The following ATP2B1 variants were observed in gnomAD, a reference collection of about 807,000 sequenced individuals.
ATP2B1 encodes the protein ATPase plasma membrane Ca2+ transporting 1.
Under a neutral mutation model 124.2 loss-of-function variants are expected in ATP2B1, and 14 were observed. The observed-to-expected ratio is 0.11, with a 90% confidence interval of 0.07 to 0.18. The LOEUF (loss-of-function observed/expected upper bound fraction) is 0.18, where lower values mean the gene tolerates loss of function less well. ATP2B1 is among the 10% of genes least tolerant of loss of function. The probability of loss-of-function intolerance (pLI) is 1.00; values close to 1 mark genes in which losing one functional copy is unlikely to be tolerated. For missense variants in ATP2B1, 763 were observed against 1,466.1 expected (o/e 0.52, Z 7.83); for synonymous variants, 449 against 492.4 (o/e 0.91, Z 1.17).
chr12:89,599,110 C>A lies in ATP2B1; in HGVS notation c.3351+7G>T, dbSNP rs1313234646. 2 of 1,612,980 alleles carry A rather than the reference C, an allele frequency of 1.2e-6. No individual in the cohort carries two copies. Among genetic ancestry groups the A allele is most frequent in the East Asian group, 2.2e-5 (1 of 44,882 alleles). On this transcript the variant is annotated splice_region_variant and intron_variant, in intron 20 of 20. Transcript: ENST00000428670. ...TCATCTCTCCTACCTCTCTACCAGGCCCATACCTGTGTTTGGATTCTGTTC... is the reference window on the plus strand; with the variant it reads ...TCATCTCTCCTACCTCTCTACCAGGACCATACCTGTGTTTGGATTCTGTTC...
rs547013148 is a variant in ATP2B1, at chr12:89,656,387, G to A, written c.-221-280C>T. On this transcript the variant is annotated intron_variant, in intron 1 of 20. Transcript: ENST00000428670. The stretch of plus-strand genomic sequence containing the variant: ...TGATCCACTCAGTATTACTGTTATT[G>A]TTCCAAGCACTATGCTAGTTGTTTT... Among the ~76,000 whole-genome samples the A allele has an allele frequency of 3.9e-5, 6 of 152,272 alleles. No homozygotes were observed. The East Asian group carries it at 1.2e-3, about 29-fold the overall frequency.
intron 20 of ATP2B1, chr12:89,593,539 G>A (rs1026622223): frequency 7.9e-5 from 12 of 151,974 alleles, no homozygotes; most frequent in African/African-American, 7.3e-5. Context: ...GTGAAGAATC[G>A]GGGGGAAATA....
At chr12:89,598,674 C>T (rs1234909027) in intron 20 of ATP2B1, 10 of 1,613,956 alleles carry the variant, frequency 6.2e-6, no homozygotes, top group Non-Finnish European at 8.5e-6. Flanking sequence ...TGCTGGCTGG[C>T]GATGGAGGGT....
At chr12:89,648,443 A>G (rs1009327360) in intron 2 of ATP2B1, among the ~76,000 whole-genome samples, 3 of 152,176 alleles carry the variant, frequency 2.0e-5, no homozygotes, top group African/African-American at 7.2e-5. Context: ...TGAACTTAAG[A>G]GTAATGACCT....
intron 1 of ATP2B1, among the ~76,000 whole-genome samples, chr12:89,670,886 C>A (rs1042849189): frequency 7.1e-6 from 1 of 140,944 alleles, no homozygotes; most frequent in Non-Finnish European, 1.5e-5. Flanking sequence ...TGCCCACATA[C>A]AACAGAAGAA....
chr12:89,655,519 T>C, intron 2 of ATP2B1, 160 bp downstream of exon 2: 1 of 663,114 alleles, frequency 1.5e-6, no homozygotes, highest in Non-Finnish European at 2.5e-6. Flanking sequence ...AATATAAAAA[T>C]ACTTTAACTG....
At chr12:89,703,782 C>T (rs1892134726) in intron 1 of ATP2B1, among the ~76,000 whole-genome samples, 1 of 151,898 alleles carries the variant, frequency 6.6e-6, no homozygotes, top group Non-Finnish European at 1.5e-5. Flanking sequence ...GTCACAAAAA[C>T]CATCGACATC....
At chr12:89,652,789 G>A (rs945359773) in intron 2 of ATP2B1, among the ~76,000 whole-genome samples, 2 of 152,140 alleles carry the variant, frequency 1.3e-5, no homozygotes, top group Admixed American at 6.5e-5. Flanking sequence ...CCAGGCTGAG[G>A]TGCAGTGGTG....
chr12:89,683,040 A>G (rs1565910826), intron 1 of ATP2B1, among the ~76,000 whole-genome samples: 1 of 152,226 alleles, frequency 6.6e-6, no homozygotes, highest in African/African-American at 2.4e-5. Context: ...CAATTCACCA[A>G]AATATAAAAA....
At chr12:89,604,077 TA>T (rs1318384460) in intron 16 of ATP2B1, 77 bp downstream of exon 16, 91 of 1,454,302 alleles carry the variant, frequency 6.3e-5, no homozygotes, top group Admixed American at 1.3e-4. Flanking sequence ...GCTTAAATAT[TA>T]AGTATTTTTT....
Position 89,670,395 on chromosome 12 carries a change from G to A in ATP2B1, c.-221-14288C>T, listed in dbSNP as rs568515852. Among the ~76,000 whole-genome samples, 3 of 145,910 alleles carry A rather than the reference G, an allele frequency of 2.1e-5. No individual in the cohort carries two copies. In the South Asian group the frequency reaches 6.5e-4, roughly 31 times the overall value. ...AATTTTTTTTTTTTTCAATTGTTAC[G>A]CATTCTGACTTTTTGTAGTTGTTGT... On this transcript the variant is annotated intron_variant, in intron 1 of 20. Coordinates refer to ENST00000428670, the MANE Select transcript of ATP2B1 (RefSeq NM_001366521.1).
At chr12:89,633,646 TTTATAAATC>T (rs1224959065) in intron 5 of ATP2B1, among the ~76,000 whole-genome samples, 1 of 152,104 alleles carries the variant, frequency 6.6e-6, no homozygotes, top group Non-Finnish European at 1.5e-5. Flanking sequence ...TTGGCATGCA[TTTATAAATC>T]TTAAAAAGTT....
intron 1 of ATP2B1, among the ~76,000 whole-genome samples, chr12:89,684,662 A>G (rs970977164): frequency 6.6e-6 from 1 of 152,160 alleles, no homozygotes; most frequent in Non-Finnish European, 1.5e-5. Flanking sequence ...TTTTTAAATG[A>G]AAAAAAGTGA....
At chr12:89,673,216 C>G (rs1888207580) in intron 1 of ATP2B1, among the ~76,000 whole-genome samples, 1 of 152,186 alleles carries the variant, frequency 6.6e-6, no homozygotes, top group African/African-American at 2.4e-5. Context: ...CAGCCAGATA[C>G]TTTTCATAGC....
chr12:89,662,584 T>G (rs1328908284), intron 1 of ATP2B1, among the ~76,000 whole-genome samples: 1 of 152,208 alleles, frequency 6.6e-6, no homozygotes, highest in East Asian at 1.9e-4. Flanking sequence ...CTATACTGCT[T>G]GTTTAGAAAA....
chr12:89,609,298 A>G (rs1462488761), intron 15 of ATP2B1, among the ~76,000 whole-genome samples: 1 of 152,208 alleles, frequency 6.6e-6, no homozygotes, highest in East Asian at 1.9e-4. Flanking sequence ...ACAGCCTCAC[A>G]TCAGTTCAGA....
At chr12:89,649,064 G>A (rs1172194230) in intron 2 of ATP2B1, among the ~76,000 whole-genome samples, 2 of 152,266 alleles carry the variant, frequency 1.3e-5, no homozygotes, top group Non-Finnish European at 2.9e-5. Flanking sequence ...CACAAGAGAA[G>A]CCCGCCTAGG....
At position 89,681,490 on chromosome 12, in the gene ATP2B1, C is replaced by T. The variant is rs913191250; in HGVS notation, c.-221-25383G>A. Among the ~76,000 whole-genome samples the T allele has an allele frequency of 4.0e-5, 6 of 151,302 alleles. No individual in the cohort carries two copies. In the South Asian group the frequency reaches 8.3e-4, roughly 21 times the overall value. ...CCGCCTCCCAGACTCAAGTGATTCTCGTGCCTCAGCCTCCTGAGTGGCTGG... is the reference window on the plus strand; with the variant it reads ...CCGCCTCCCAGACTCAAGTGATTCTTGTGCCTCAGCCTCCTGAGTGGCTGG... On this transcript the variant is annotated intron_variant, in intron 1 of 20. Coordinates refer to ENST00000428670, the MANE Select transcript of ATP2B1 (RefSeq NM_001366521.1).
chr12:89,592,728 G>A (rs960205131), intron 20 of ATP2B1, among the ~76,000 whole-genome samples: 3 of 152,046 alleles, frequency 2.0e-5, no homozygotes, highest in Non-Finnish European at 4.4e-5. Flanking sequence ...CTTGCCTTAC[G>A]GGGTTGTTGT....
Sources: allele counts gnomAD v4.1 joint callset (sites outside exome capture counted in the v4.1 genomes callset), GRCh38; gene constraint gnomAD v4.1.1; transcripts MANE v1.5; gene names NCBI Gene and HGNC (gene_info 2026-07-23, HGNC 2026-07-21).